TGFBR3: variants seen among roughly 807,000 people sequenced by gnomAD.
TGFBR3 encodes the protein transforming growth factor beta receptor type 3.
Under a neutral mutation model 87.9 loss-of-function variants are expected in TGFBR3, and 46 were observed. The ratio of observed to expected loss-of-function variants is 0.52; its 90% CI spans 0.41 to 0.67. The LOEUF is 0.67. Among genes scored for constraint, TGFBR3 ranks in the 30% least tolerant of loss-of-function variants. TGFBR3 has a pLI of 0.00. For synonymous variants in TGFBR3, 381 were observed against 391.6 expected, an observed-to-expected ratio of 0.97 and a Z score of 0.32; for missense variants, 866 against 1,041.9, an observed-to-expected ratio of 0.83 and a Z score of 2.32.
chr1:91,695,712 T>C lies in TGFBR3; in HGVS notation c.2397A>G (p.Ala799=). ...TGTACCACAAGGCCCCCGTCAGGAG[T>C]GCTCCGATCACAAAGGCTGCAAACG... The part of the protein sequence containing the change: ...GIAFAAFVIG[A]LLTGALWYIY... Residue 799 remains alanine, a synonymous_variant, in exon 16 of 17, where the codon GCA becomes GCG. Transcript: ENST00000212355. The C allele has an allele frequency of 1.2e-6, 2 of 1,614,024 alleles. No homozygotes were observed. Among genetic ancestry groups the C allele is most frequent in the South Asian group, 1.1e-5 (1 of 91,078 alleles).
chr1:91,825,095 T>C (rs1366199190), intron 2 of TGFBR3, among the ~76,000 whole-genome samples: 1 of 152,142 alleles, frequency 6.6e-6, no homozygotes, highest in Admixed American at 6.5e-5. Flanking sequence ...AATAAAAACA[T>C]AAGGATGTGC....
rs376431894 is a variant in TGFBR3, at chr1:91,861,274, CCTG to C, written c.61+194_61+196del. 9.4e-4 allele frequency among the ~76,000 whole-genome samples: 143 copies of C among 152,036 alleles called. 1 individual carries two copies. In the South Asian group the frequency reaches 0.011, roughly 11 times the overall value. On this transcript the variant is annotated intron_variant, in intron 2 of 16. Coordinates refer to ENST00000212355, the MANE Select transcript of TGFBR3 (RefSeq NM_003243.5). ...CATTAGCTGGGCATGGTGGCACACG[CCTG>C]TAGTCCCAACTAGTTAGGAGGCTGA...
In TGFBR3 at chr1:91,815,687, C is replaced by T. The variant is rs1676197605; in HGVS notation, c.62-18216G>A. On this transcript the variant is annotated intron_variant, in intron 2 of 16. Transcript: ENST00000212355. ...CTCACCTGGAGTTAATACTACATAC[C>T]TTGCCAAAATGAATTAAAGTAAAGG... Among the ~76,000 whole-genome samples the T allele has an allele frequency of 1.3e-5, 2 of 152,180 alleles. 1 individual carries two copies. The highest frequency in any genetic ancestry group is 4.1e-4 in the South Asian group (2 of 4,834).
At chr1:91,798,924 A>G (rs1571521549) in intron 2 of TGFBR3, among the ~76,000 whole-genome samples, 2 of 152,290 alleles carry the variant, frequency 1.3e-5, no homozygotes, top group East Asian at 3.9e-4. Context: ...GGCTGGATTG[A>G]TAGAGACATA....
intron 4 of TGFBR3, among the ~76,000 whole-genome samples, chr1:91,745,332 A>G (rs1673304739): frequency 6.6e-6 from 1 of 152,232 alleles, no homozygotes; most frequent in African/African-American, 2.4e-5. Flanking sequence ...CAAAACAAGG[A>G]AAACAAAGAA....
chr1:91,855,528 C>G, intron 2 of TGFBR3, among the ~76,000 whole-genome samples: 1 of 152,164 alleles, frequency 6.6e-6, no homozygotes, highest in East Asian at 1.9e-4. Context: ...ATGTGTAGAA[C>G]AGTTGGGAGG....
At chr1:91,687,273 C>T (rs1671119419) in intron 16 of TGFBR3, among the ~76,000 whole-genome samples, 1 of 152,142 alleles carries the variant, frequency 6.6e-6, no homozygotes, top group African/African-American at 2.4e-5. Context: ...GAGCTATGAT[C>T]TCACCTGTGA....
chr1:91,801,892 G>C (rs775199978), intron 2 of TGFBR3, among the ~76,000 whole-genome samples: 1 of 152,148 alleles, frequency 6.6e-6, no homozygotes, highest in Non-Finnish European at 1.5e-5. Flanking sequence ...TTCCCGCTAG[G>C]AATTTTATCC....
At chr1:91,805,749 C>T (rs1399913529) in intron 2 of TGFBR3, among the ~76,000 whole-genome samples, 1 of 152,340 alleles carries the variant, frequency 6.6e-6, no homozygotes, top group East Asian at 1.9e-4. Flanking sequence ...GGTTACCACA[C>T]CACTAGGGGC....
chr1:91,860,425 C>T (rs1035161259), intron 2 of TGFBR3, among the ~76,000 whole-genome samples: 17 of 152,128 alleles, frequency 1.1e-4, no homozygotes, highest in African/African-American at 3.6e-4. Flanking sequence ...GTTTCCAGAA[C>T]TGGTCCAACA....
intron 4 of TGFBR3, among the ~76,000 whole-genome samples, chr1:91,751,870 A>G (rs1429688511): frequency 6.6e-6 from 1 of 152,204 alleles, no homozygotes; most frequent in Non-Finnish European, 1.5e-5. Flanking sequence ...TGAAGAGGCA[A>G]TGCTCAATTT....
intron 14 of TGFBR3, among the ~76,000 whole-genome samples, chr1:91,701,625 A>T (rs1378310797): frequency 6.6e-6 from 1 of 152,200 alleles, no homozygotes; most frequent in Non-Finnish European, 1.5e-5. Context: ...CAGATTGTTC[A>T]GCATGGTTTT....
chr1:91,712,490 A>T lies in TGFBR3; in HGVS notation c.1919T>A (p.Phe640Tyr), dbSNP rs1426545242. ...QELGFAIQTC[F>Y]ISPYSNPDRM... The stretch of plus-strand genomic sequence containing the variant: ...ATCAGGGTTCGAATATGGAGAGATA[A>T]AGCACGTTTGGATGGCAAATCCCAG... The change falls in exon 13 of 17, where the codon TTT becomes TAT. Residue 640 changes from phenylalanine (F) to tyrosine (Y), a missense_variant. Physicochemically the swap from Phe to Tyr is conservative, Grantham distance 22 (BLOSUM62 3). Transcript: ENST00000212355. 6.2e-7 allele frequency: 1 copy of T among 1,614,228 alleles called. No individual in the cohort carries two copies. The highest frequency in any genetic ancestry group is 1.1e-5 in the South Asian group (1 of 91,084).
chr1:91,885,931 G>A lies in TGFBR3; in HGVS notation c.-167C>T, dbSNP rs774060412. On this transcript the variant is annotated 5_prime_UTR_variant, in exon 1 of 17. Coordinates refer to ENST00000212355, the MANE Select transcript of TGFBR3 (RefSeq NM_003243.5). The stretch of plus-strand genomic sequence containing the variant: ...CACCCGCAGCAAGTTGGAGGAAAGC[G>A]GCGGCAAGTTTCCCCGCCCAGCGCT... 1 of 446,266 alleles carries A rather than the reference G, an allele frequency of 2.2e-6. No individual in the cohort carries two copies. Among genetic ancestry groups the A allele is most frequent in the South Asian group, 1.6e-5 (1 of 63,004 alleles). 27.6% of individuals were successfully genotyped at this position (446,266 alleles called of 1,614,324 possible).
At chr1:91,721,930 A>T (rs374670033) in intron 8 of TGFBR3, 25 bp downstream of exon 8, 1 of 1,607,496 alleles carries the variant, frequency 6.2e-7, no homozygotes, top group Non-Finnish European at 8.5e-7. Flanking sequence ...TATTTTTTAC[A>T]TAACTTAAAA....
intron 2 of TGFBR3, among the ~76,000 whole-genome samples, chr1:91,802,576 G>A (rs1396069692): frequency 4.6e-5 from 7 of 151,964 alleles, no homozygotes; most frequent in African/African-American, 1.7e-4. Context: ...GGCCAGGCTG[G>A]TCTCGAACTC....
At chr1:91,824,878 T>G (rs1676575168) in intron 2 of TGFBR3, among the ~76,000 whole-genome samples, 1 of 150,022 alleles carries the variant, frequency 6.7e-6, no homozygotes, top group Admixed American at 6.6e-5. Flanking sequence ...GAGAATCGCT[T>G]GAACATGGGA....
intron 16 of TGFBR3, among the ~76,000 whole-genome samples, chr1:91,690,397 G>A (rs1203327067): frequency 2.6e-5 from 4 of 152,076 alleles, no homozygotes; most frequent in Admixed American, 2.0e-4. Flanking sequence ...ACATTCAAAA[G>A]GGGGGGATTC....
chr1:91,843,699 C>CACAG (rs1677374616), intron 2 of TGFBR3, among the ~76,000 whole-genome samples: 1 of 152,098 alleles, frequency 6.6e-6, no homozygotes, highest in African/African-American at 2.4e-5. Context: ...GGACACTGAG[C>CACAG]CTGTGGTCAC....
Sources: gnomAD v4.1 joint callset for allele counts (sites outside exome capture counted in the v4.1 genomes callset) on GRCh38, gnomAD v4.1.1 for gene constraint, MANE v1.5 for transcripts, NCBI Gene and HGNC (gene_info 2026-07-23, HGNC 2026-07-21) for gene names.